The following PTPRT variants were observed in gnomAD, a reference collection of about 807,000 sequenced individuals.
PTPRT encodes the protein receptor-type tyrosine-protein phosphatase T.
Under a neutral mutation model 176.8 loss-of-function variants are expected in PTPRT, and 56 were observed. The observed-to-expected ratio is 0.32, with a 90% confidence interval of 0.26 to 0.40. PTPRT has a LOEUF of 0.40. PTPRT is among the 10% of genes least tolerant of loss of function. The pLI is 1.00. For synonymous variants in PTPRT, 783 were observed against 739.0 expected, an observed-to-expected ratio of 1.06 and a Z score of -0.96; for missense variants, 1,540 against 1,908.2, an observed-to-expected ratio of 0.81 and a Z score of 3.60.
chr20:42,641,072 C>T (rs144630574), intron 7 of PTPRT, among the ~76,000 whole-genome samples: 1 of 152,100 alleles, frequency 6.6e-6, no homozygotes, highest in African/African-American at 2.4e-5. Flanking sequence ...TTTACTAAGC[C>T]ATTACCATAG....
At chr20:42,132,076 G>A (rs750210517) in intron 18 of PTPRT, among the ~76,000 whole-genome samples, 4 of 152,156 alleles carry the variant, frequency 2.6e-5, no homozygotes, top group Non-Finnish European at 5.9e-5. Flanking sequence ...AATCATGCTG[G>A]GCTCTGCAGG....
At chr20:42,356,695 T>C (rs1050012719) in intron 9 of PTPRT, among the ~76,000 whole-genome samples, 1 of 151,982 alleles carries the variant, frequency 6.6e-6, no homozygotes, top group African/African-American at 2.4e-5. Context: ...AAACTCCCTC[T>C]CAACAACAAC....
chr20:42,568,408 A>G (rs1419870945), intron 7 of PTPRT, among the ~76,000 whole-genome samples: 1 of 152,118 alleles, frequency 6.6e-6, no homozygotes, highest in Non-Finnish European at 1.5e-5. Context: ...GAGAAAATTG[A>G]GGAGCAGAGA....
At chr20:42,120,726 G>A (rs1460366088) in intron 19 of PTPRT, among the ~76,000 whole-genome samples, 1 of 152,180 alleles carries the variant, frequency 6.6e-6, no homozygotes, top group Non-Finnish European at 1.5e-5. Flanking sequence ...TACATGGAGT[G>A]TCCTCTTTCC....
intron 6 of PTPRT, among the ~76,000 whole-genome samples, chr20:42,749,691 C>A (rs923999260): frequency 6.6e-6 from 1 of 152,182 alleles, no homozygotes; most frequent in African/African-American, 2.4e-5. Context: ...GACCATGCAG[C>A]ACAGATTTGC....
At position 42,885,251 on chromosome 20, in the gene PTPRT, CATAT is replaced by C. The variant is rs575087037; in HGVS notation, c.214+552_214+555del. 4.3e-3 allele frequency among the ~76,000 whole-genome samples: 627 copies of C among 146,502 alleles called. 6 individuals are homozygous for C. The highest frequency in any genetic ancestry group is 0.015 in the African/African-American group (591 of 40,364). ...ATTATATAATATATATACTATGTAACATATATAATGTATAATATAATATATAACC... is the reference window on the plus strand; with the variant it reads ...ATTATATAATATATATACTATGTAACATAATGTATAATATAATATATAACC... On this transcript the variant is annotated intron_variant, in intron 2 of 30. Transcript: ENST00000373187.
At chr20:42,892,878 A>G (rs1186145374) in intron 1 of PTPRT, among the ~76,000 whole-genome samples, 2 of 152,202 alleles carry the variant, frequency 1.3e-5, no homozygotes, top group Non-Finnish European at 2.9e-5. Flanking sequence ...TGTTCAGTGA[A>G]TGCCTGAATA....
In PTPRT at chr20:42,749,486, G is replaced by A. The variant is rs529733857; in HGVS notation, c.859+6976C>T. ...CCATACTGGATTTTGCAAGAAATGT[G>A]GTATAAAAGAGACAGCATGGCCAAG... On this transcript the variant is annotated intron_variant, in intron 6 of 30. Coordinates refer to ENST00000373187, the MANE Select transcript of PTPRT (RefSeq NM_007050.6). Among the ~76,000 whole-genome samples the A allele has an allele frequency of 9.8e-4, 149 of 152,254 alleles. 1 individual carries two copies. Among genetic ancestry groups the A allele is most frequent in the African/African-American group, 3.4e-3 (142 of 41,544 alleles).
chr20:42,433,960 C>T (rs929320776), intron 9 of PTPRT, among the ~76,000 whole-genome samples: 1 of 151,948 alleles, frequency 6.6e-6, no homozygotes, highest in Admixed American at 6.6e-5. Flanking sequence ...CAACACATCC[C>T]GAATAAAGTG....
chr20:42,679,514 A>G (rs926011189), intron 6 of PTPRT, among the ~76,000 whole-genome samples: 2 of 152,178 alleles, frequency 1.3e-5, no homozygotes, highest in Non-Finnish European at 1.5e-5. Flanking sequence ...AAGAAAATGG[A>G]AGAAAGAGAA....
At chr20:42,807,600 C>G (rs1246563001) in intron 2 of PTPRT, among the ~76,000 whole-genome samples, 1 of 152,160 alleles carries the variant, frequency 6.6e-6, no homozygotes, top group African/African-American at 2.4e-5. Flanking sequence ...CCATGCCCCA[C>G]TTTTCCCTTG....
intron 11 of PTPRT, among the ~76,000 whole-genome samples, chr20:42,334,711 A>T (rs1370033376): frequency 6.6e-6 from 1 of 152,236 alleles, no homozygotes; most frequent in Non-Finnish European, 1.5e-5. Flanking sequence ...TAGGCTCAGG[A>T]ATCAGCATTA....
chr20:42,186,216 G>A (rs1371983601), intron 16 of PTPRT, among the ~76,000 whole-genome samples: 3 of 151,976 alleles, frequency 2.0e-5, no homozygotes, highest in Non-Finnish European at 4.4e-5. Context: ...TTGTGGGCTA[G>A]GTGGTCTCTG....
chr20:42,777,207 C>G, intron 4 of PTPRT, among the ~76,000 whole-genome samples: 1 of 152,152 alleles, frequency 6.6e-6, no homozygotes, highest in East Asian at 1.9e-4. Context: ...CCTCCCTGCC[C>G]TTAGACAAAC....
At chr20:42,792,139 G>T (rs758540445) in intron 2 of PTPRT, among the ~76,000 whole-genome samples, 4 of 152,136 alleles carry the variant, frequency 2.6e-5, no homozygotes, top group Non-Finnish European at 5.9e-5. Flanking sequence ...ACACATGGAG[G>T]ACACCTGACT....
intron 2 of PTPRT, among the ~76,000 whole-genome samples, chr20:42,881,289 A>C (rs187085077): frequency 3.9e-5 from 6 of 152,354 alleles, no homozygotes; most frequent in African/African-American, 1.4e-4. Context: ...ATTGGAATAC[A>C]CTGACTTGCA....
intron 7 of PTPRT, among the ~76,000 whole-genome samples, chr20:42,664,862 A>G (rs996827181): frequency 4.6e-5 from 7 of 152,384 alleles, no homozygotes; most frequent in Middle Eastern, 3.4e-3. Flanking sequence ...CTCCCTATTT[A>G]ATAAATGGTT....
chr20:42,078,801 T>C lies in PTPRT; in HGVS notation c.*2078A>G. The C allele has an allele frequency of 5.8e-6, 1 of 173,462 alleles. No homozygotes were observed. The highest frequency in any genetic ancestry group is 1.0e-4 in the East Asian group (1 of 9,598). The allele number at this position is 173,462 out of a possible 1,614,324, so 10.7% of individuals were successfully genotyped here. A position where few individuals can be genotyped will look rare whatever the true frequency, so the allele number is the denominator to read the frequency against. ...TATGGATCCCTTTGCCTGAGTTTCC[T>C]TTTTTTCCTTTTTATGCTTGTTAAG... On this transcript the variant is annotated 3_prime_UTR_variant, in exon 31 of 31. Coordinates refer to ENST00000373187, the MANE Select transcript of PTPRT (RefSeq NM_007050.6).
chr20:42,062,125 G>C, the PTPRT span, among the ~76,000 whole-genome samples: 12 of 152,236 alleles, frequency 7.9e-5, no homozygotes, highest in African/African-American at 2.6e-4. Context: ...TGTTCTTCCT[G>C]AGTTACTCAC....
Sources: gnomAD v4.1 joint callset for allele counts (sites outside exome capture counted in the v4.1 genomes callset) on GRCh38, gnomAD v4.1.1 for gene constraint, MANE v1.5 for transcripts, NCBI Gene and HGNC (gene_info 2026-07-23, HGNC 2026-07-21) for gene names.